Variants in IL4R observed in about 807,000 individuals in gnomAD.
IL4R encodes interleukin 4 receptor.
In IL4R, 17 loss-of-function variants were observed where a neutral mutation model predicts 41.5. That is an observed-to-expected ratio of 0.41 (90% CI 0.28 to 0.61). IL4R has a LOEUF of 0.61. Among genes scored for constraint, IL4R ranks in the 20% least tolerant of loss-of-function variants. The pLI is 0.31. For synonymous variants in IL4R, 402 were observed against 422.9 expected (o/e 0.95, Z 0.61); for missense variants, 974 against 1,043.1 (o/e 0.93, Z 0.91).
intron 1 of IL4R, among the ~76,000 whole-genome samples, chr16:27,319,092 C>T (rs139313349): frequency 9.3e-4 from 141 of 152,234 alleles, no homozygotes; most frequent in African/African-American, 3.3e-3. Context: ...ATGTGGATAT[C>T]TGGGGAAAGA....
chr16:27,345,472 G>T lies in IL4R; in HGVS notation c.361+452G>T, dbSNP rs2085609321. 3.3e-6 allele frequency: 1 copy of T among 307,480 alleles called. No individual in the cohort carries two copies. Among genetic ancestry groups the T allele is most frequent in the South Asian group, 2.9e-5 (1 of 34,318 alleles). 19.0% of individuals were successfully genotyped at this position (307,480 alleles called of 1,614,324 possible). On this transcript the variant is annotated intron_variant, in intron 5 of 10. Transcript: ENST00000395762. The surrounding 1 kb of genome is among the most constrained non-coding windows in gnomAD (Gnocchi z 4.5). ...CCCCTTGAGCTTGCTGGGCTGTGGTGACAGGAGTTTAAAACATGCGTTGTA... is the reference window on the plus strand; with the variant it reads ...CCCCTTGAGCTTGCTGGGCTGTGGTTACAGGAGTTTAAAACATGCGTTGTA...
intron 6 of IL4R, among the ~76,000 whole-genome samples, chr16:27,348,648 C>T (rs1388337188): frequency 6.6e-6 from 1 of 152,142 alleles, no homozygotes; most frequent in African/African-American, 2.4e-5. Flanking sequence ...AGTCCTAAGG[C>T]TGCTGCTCAG....
intron 10 of IL4R, 102 bp downstream of exon 10, chr16:27,360,917 C>T (rs188032234): frequency 5.0e-6 from 8 of 1,606,826 alleles, no homozygotes; most frequent in Admixed American, 3.4e-5. Flanking sequence ...TCCCTGCATT[C>T]GGTAATTGCC....
chr16:27,346,416 G>T, intron 5 of IL4R, 51 bp from the exon 6 acceptor site: 1 of 1,603,662 alleles, frequency 6.2e-7, no homozygotes, highest in Non-Finnish European at 8.5e-7. Flanking sequence ...TGGGCTGGGT[G>T]ATGGGGGAGT....
At chr16:27,313,885 G>T, upstream of IL4R, 1 of 982,724 alleles carries the variant, frequency 1.0e-6, no homozygotes, top group South Asian at 4.6e-5. Flanking sequence ...CGCCGGGGCG[G>T]GGAGCAGGAA....
At chr16:27,333,690 A>G (rs868296154) in intron 2 of IL4R, among the ~76,000 whole-genome samples, 1 of 152,076 alleles carries the variant, frequency 6.6e-6, no homozygotes, top group African/African-American at 2.4e-5. Flanking sequence ...CCTTGACTCA[A>G]CATAAGGAGG....
At chr16:27,329,676 C>CA (rs11327523) in intron 1 of IL4R, among the ~76,000 whole-genome samples, 40,861 of 117,858 alleles carry the variant, frequency 0.35, 6,085 homozygotes, top group East Asian at 0.57. Flanking sequence ...ACCTCCGTCT[C>CA]AAAAAAAAAA....
At position 27,355,921 on chromosome 16, in the gene IL4R, C is replaced by T. The variant is rs1220675649; in HGVS notation, c.770+14C>T. The T allele has an allele frequency of 1.3e-6, 2 of 1,589,820 alleles. No homozygotes were observed. Among genetic ancestry groups the T allele is most frequent in the African/African-American group, 1.3e-5 (1 of 74,528 alleles). On this transcript the variant is annotated intron_variant, in intron 8 of 10. Transcript: ENST00000395762. Reference sequence around the variant, plus strand: ...CAGCATCACCAAGTGAGTCCTGGGCCCAGTGCTGCCGAGCAGTCCCTCTGG... The same window carrying T: ...CAGCATCACCAAGTGAGTCCTGGGCTCAGTGCTGCCGAGCAGTCCCTCTGG...
chr16:27,337,747 A>AT (rs1245087023), intron 2 of IL4R, among the ~76,000 whole-genome samples: 2 of 148,574 alleles, frequency 1.3e-5, no homozygotes, highest in East Asian at 2.0e-4. Flanking sequence ...CGCCCGGCTA[A>AT]TTTTTTTTTG....
chr16:27,359,959 A>G, intron 9 of IL4R: 1 of 402,858 alleles, frequency 2.5e-6, no homozygotes, highest in Non-Finnish European at 5.2e-6. Context: ...GGCTGGGCAG[A>G]TCTGAATTGA....
intron 8 of IL4R, among the ~76,000 whole-genome samples, chr16:27,356,651 G>A (rs3024647): frequency 0.79 from 120,458 of 151,972 alleles, 48,814 homozygotes; most frequent in East Asian, 0.91. Context: ...CCCTTACAAC[G>A]CTGGGTGCCT....
At chr16:27,360,927 C>T in intron 10 of IL4R, 112 bp downstream of exon 10, 2 of 1,602,496 alleles carry the variant, frequency 1.2e-6, no homozygotes, top group Non-Finnish European at 1.7e-6. Context: ...CGGTAATTGC[C>T]CTGTGACATT....
Position 27,313,980 on chromosome 16 carries a change from C to T in IL4R, c.-192C>T, listed in dbSNP as rs79270619. 2.0e-6 allele frequency: 2 copies of T among 984,668 alleles called. No homozygotes were observed. The highest frequency in any genetic ancestry group is 1.2e-6 in the Non-Finnish European group (1 of 829,698). The allele number at this position is 984,668 out of a possible 1,614,324, so 61.0% of individuals were successfully genotyped here. ...GGCCACCCAGGGGTCCCCCACTTCCCGCTTGGGCGCCCGGACGGCGAATGG... is the reference window on the plus strand; with the variant it reads ...GGCCACCCAGGGGTCCCCCACTTCCTGCTTGGGCGCCCGGACGGCGAATGG... On this transcript the variant is annotated 5_prime_UTR_variant, in exon 1 of 11. Transcript: ENST00000395762.
chr16:27,338,846 T>C (rs550565233), intron 2 of IL4R, among the ~76,000 whole-genome samples: 2 of 151,990 alleles, frequency 1.3e-5, no homozygotes, highest in African/African-American at 4.8e-5. Flanking sequence ...TTAGAAAATT[T>C]ATTTATTTAT....
chr16:27,322,919 G>T (rs2084855340), intron 1 of IL4R, among the ~76,000 whole-genome samples: 1 of 151,932 alleles, frequency 6.6e-6, no homozygotes, highest in Non-Finnish European at 1.5e-5. Context: ...GTGGACTCCA[G>T]CCTGCCACGG....
At chr16:27,313,905 G>GGCCCGC (rs1324604749), upstream of IL4R, 2 of 984,740 alleles carry the variant, frequency 2.0e-6, no homozygotes, top group Non-Finnish European at 2.4e-6. Flanking sequence ...AGCCGGGGCG[G>GGCCCGC]GCTGGGTCTC....
In IL4R at chr16:27,354,719, T is replaced by C. The variant is rs143532165; in HGVS notation, c.671-1089T>C. Reference sequence around the variant, plus strand: ...AGTAAGGGCTGTCGTAAAAACTCAATGAAAGAAGATTCTTCAACGTGGTAG... The same window carrying C: ...AGTAAGGGCTGTCGTAAAAACTCAACGAAAGAAGATTCTTCAACGTGGTAG... On this transcript the variant is annotated intron_variant, in intron 7 of 10. Coordinates refer to ENST00000395762, the MANE Select transcript of IL4R (RefSeq NM_000418.4). Among the ~76,000 whole-genome samples, 4 of 152,342 alleles carry C rather than the reference T, an allele frequency of 2.6e-5. No homozygotes were observed. In the East Asian group the frequency reaches 7.7e-4, roughly 29 times the overall value.
intron 2 of IL4R, 47 bp from the exon 3 acceptor site, chr16:27,340,139 T>C (rs2085394088): frequency 7.8e-7 from 1 of 1,276,814 alleles, no homozygotes; most frequent in African/African-American, 1.5e-5. Context: ...AGATGAGCTC[T>C]GCTGGAAGCA....
At chr16:27,361,570 A>AG (rs1472142869) in intron 10 of IL4R, among the ~76,000 whole-genome samples, 1 of 150,996 alleles carries the variant, frequency 6.6e-6, no homozygotes, top group Non-Finnish European at 1.5e-5. Context: ...CAGAAACTAA[A>AG]GGGGGTCCAG....
Sources: gnomAD v4.1 joint callset for allele counts (sites outside exome capture counted in the v4.1 genomes callset) on GRCh38, gnomAD v4.1.1 for gene constraint, Gnocchi (gnomAD v3.1) non-coding constraint, MANE v1.5 for transcripts, NCBI Gene and HGNC (gene_info 2026-07-23, HGNC 2026-07-21) for gene names.